KLHDC1: variants seen among roughly 807,000 people sequenced by gnomAD.
KLHDC1 encodes the protein kelch domain-containing protein 1.
In KLHDC1, 53 loss-of-function variants were observed where a neutral mutation model predicts 68.3. The ratio of observed to expected loss-of-function variants is 0.78; its 90% CI spans 0.62 to 0.98. The LOEUF (loss-of-function observed/expected upper bound fraction) is 0.98. Among genes scored for constraint, KLHDC1 ranks in the 50% least tolerant of loss-of-function variants. The pLI is 0.00. For synonymous variants in KLHDC1, 148 were observed against 159.0 expected (o/e 0.93, Z 0.52); for missense variants, 470 against 492.3 (o/e 0.95, Z 0.43).
intron 1 of KLHDC1, among the ~76,000 whole-genome samples, chr14:49,695,715 A>T (rs1007482138): frequency 6.6e-6 from 1 of 152,192 alleles, no homozygotes. Context: ...CTCTCTAGCT[A>T]TGAAAGTCCT....
At chr14:49,748,174 A>C (rs773574758) in intron 12 of KLHDC1, among the ~76,000 whole-genome samples, 9 of 152,182 alleles carry the variant, frequency 5.9e-5, no homozygotes, top group Non-Finnish European at 8.8e-5. Context: ...CAGATGCTAA[A>C]ATCAGTCAAG....
chr14:49,745,843 C>T (rs1438031763), intron 12 of KLHDC1, among the ~76,000 whole-genome samples: 1 of 152,138 alleles, frequency 6.6e-6, no homozygotes, highest in Admixed American at 6.6e-5. Context: ...CTCTCTTTTA[C>T]AGTATCTGGT....
intron 4 of KLHDC1, among the ~76,000 whole-genome samples, chr14:49,713,811 TA>T (rs1566602665): frequency 0.012 from 47 of 3,764 alleles, 4 homozygotes; most frequent in Non-Finnish European, 0.018. Flanking sequence ...TATATATATA[TA>T]TATATATATA....
chr14:49,750,159 C>G, intron 12 of KLHDC1, among the ~76,000 whole-genome samples: 1 of 152,184 alleles, frequency 6.6e-6, no homozygotes, highest in Non-Finnish European at 1.5e-5. Context: ...CTCGCACTGC[C>G]AGAGACAAAC....
intron 10 of KLHDC1, among the ~76,000 whole-genome samples, chr14:49,739,143 G>A (rs1889002199): frequency 6.6e-6 from 1 of 152,176 alleles, no homozygotes; most frequent in African/African-American, 2.4e-5. Context: ...CTTCCTGGGT[G>A]TTTGGAGCCT....
chr14:49,718,800 G>A (rs1334016238), intron 4 of KLHDC1, among the ~76,000 whole-genome samples: 3 of 56,984 alleles, frequency 5.3e-5, no homozygotes, highest in East Asian at 5.4e-4. Context: ...TTTTTGAGTC[G>A]TAGTCTCACT....
At chr14:49,696,220 G>C (rs1195489293) in intron 1 of KLHDC1, among the ~76,000 whole-genome samples, 2 of 149,142 alleles carry the variant, frequency 1.3e-5, no homozygotes, top group Non-Finnish European at 3.0e-5. Flanking sequence ...TGCCCAGGCT[G>C]TGGTGCAGTG....
intron 1 of KLHDC1, among the ~76,000 whole-genome samples, chr14:49,698,646 G>T (rs1003187695): frequency 7.9e-5 from 12 of 151,866 alleles, no homozygotes; most frequent in African/African-American, 2.9e-4. Context: ...CTCCCAAGAA[G>T]CTGGGATTAC....
chr14:49,729,006 T>C lies in KLHDC1; in HGVS notation c.648T>C (p.Val216=), dbSNP rs202231746. 6.2e-7 allele frequency: 1 copy of C among 1,607,142 alleles called. No individual in the cohort carries two copies. The highest frequency in any genetic ancestry group is 1.3e-5 in the African/African-American group (1 of 74,976). Residue 216 remains valine (V), a synonymous_variant, in exon 7 of 13, where the codon GTT becomes GTC. Transcript: ENST00000359332. Reference sequence around the variant, plus strand: ...AGGGTTATATCTTTGGCGGACGTGTTCTGGTTAGTGTTTTTAATGGAAATG... The same window carrying C: ...AGGGTTATATCTTTGGCGGACGTGTCCTGGTTAGTGTTTTTAATGGAAATG... ...GNKGYIFGGR[V]LQTRMNDLHY... is the part of the protein sequence containing the mutation.
intron 4 of KLHDC1, among the ~76,000 whole-genome samples, chr14:49,713,815 TATATATATATATATA>T (rs1566602716): frequency 1.9e-4 from 1 of 5,148 alleles, no homozygotes; most frequent in African/African-American, 2.3e-4. Flanking sequence ...TATATATATA[TATATATATATATATA>T]TATATATATA....
At chr14:49,707,338 CTTTTTTT>C (rs1191432812) in intron 1 of KLHDC1, among the ~76,000 whole-genome samples, 12 of 61,788 alleles carry the variant, frequency 1.9e-4, no homozygotes, top group Non-Finnish European at 2.9e-4. Flanking sequence ...ACAAGATATT[CTTTTTTT>C]TTTTTTTTTT....
chr14:49,749,010 A>C (rs1889262631), intron 12 of KLHDC1, among the ~76,000 whole-genome samples: 1 of 152,064 alleles, frequency 6.6e-6, no homozygotes, highest in Admixed American at 6.5e-5. Context: ...CATATTGGCC[A>C]GCCTGGTCTC....
chr14:49,723,528 A>G (rs1888588999), intron 4 of KLHDC1, among the ~76,000 whole-genome samples: 2 of 152,084 alleles, frequency 1.3e-5, no homozygotes, highest in South Asian at 4.1e-4. Context: ...ACAGAGGGAA[A>G]CCATGTCTCA....
intron 1 of KLHDC1, chr14:49,707,676 G>T (rs1594653478): frequency 8.6e-6 from 1 of 115,844 alleles, no homozygotes. Context: ...TAAGAAGCAG[G>T]GTCTGCCTCT....
chr14:49,741,397 C>T (rs1309714647), intron 11 of KLHDC1, among the ~76,000 whole-genome samples: 1 of 151,902 alleles, frequency 6.6e-6, no homozygotes. Flanking sequence ...CCTCCACCTC[C>T]TGGGTTCAAG....
At chr14:49,699,756 G>A (rs1887847798) in intron 1 of KLHDC1, among the ~76,000 whole-genome samples, 2 of 152,150 alleles carry the variant, frequency 1.3e-5, no homozygotes, top group South Asian at 4.1e-4. Context: ...CCAGAGGTAA[G>A]AGTGATAATA....
chr14:49,718,316 C>T (rs1418496177), intron 4 of KLHDC1, among the ~76,000 whole-genome samples: 3 of 151,504 alleles, frequency 2.0e-5, no homozygotes, highest in Non-Finnish European at 4.4e-5. Context: ...AGGGTCTCAC[C>T]TTTGCCCAGG....
chr14:49,711,232 C>T (rs1043812445), intron 4 of KLHDC1, among the ~76,000 whole-genome samples: 4 of 152,110 alleles, frequency 2.6e-5, no homozygotes, highest in South Asian at 2.1e-4. Flanking sequence ...GACAGAGTCT[C>T]GCTCTGTCGC....
intron 11 of KLHDC1, among the ~76,000 whole-genome samples, chr14:49,742,145 C>T (rs1176794390): frequency 2.0e-5 from 3 of 152,154 alleles, no homozygotes; most frequent in Non-Finnish European, 4.4e-5. Context: ...ATTAAAAAAG[C>T]AAATTTTGTG....
Sources: allele counts gnomAD v4.1 joint callset (sites outside exome capture counted in the v4.1 genomes callset), GRCh38; gene constraint gnomAD v4.1.1; transcripts MANE v1.5; gene names NCBI Gene and HGNC (gene_info 2026-07-23, HGNC 2026-07-21).